ZNF529: variants seen among roughly 807,000 people sequenced by gnomAD.
The protein encoded by ZNF529 is zinc finger protein 529.
In ZNF529, 11 loss-of-function variants were observed where a neutral mutation model predicts 10.1. That is an observed-to-expected ratio of 1.09 (90% CI 0.69 to 1.81). The LOEUF is 1.81. Ranked by LOEUF, ZNF529 falls within the 40% of genes most tolerant of loss-of-function variation. The pLI is 0.00. For missense variants in ZNF529, 624 were observed against 666.8 expected (o/e 0.94, Z 0.71); for synonymous variants, 204 against 215.7 (o/e 0.95, Z 0.47).
chr19:36,583,271 G>T (rs1340202781), intron 2 of ZNF529, among the ~76,000 whole-genome samples: 2 of 151,986 alleles, frequency 1.3e-5, no homozygotes, highest in African/African-American at 4.8e-5. Context: ...TGTGCAGGCT[G>T]GTCTTGAACT....
intron 1 of ZNF529, among the ~76,000 whole-genome samples, chr19:36,593,676 T>C (rs1272171290): frequency 2.0e-5 from 3 of 152,180 alleles, no homozygotes; most frequent in Admixed American, 2.0e-4. Context: ...TCACTGGAAC[T>C]GGGGACAACT....
In ZNF529 at chr19:36,554,680, T is replaced by C. The variant is rs755674469; in HGVS notation, c.225A>G (p.Leu75=). The C allele has an allele frequency of 8.3e-6, 13 of 1,560,418 alleles. No homozygotes were observed. In the East Asian group the frequency reaches 3.1e-4, roughly 37 times the overall value. ...GGCAGATAAATTTACCCAGTGAGAGTAAGTTGCTGTAGTTCTCCATCATCA... is the reference window on the plus strand; with the variant it reads ...GGCAGATAAATTTACCCAGTGAGAGCAAGTTGCTGTAGTTCTCCATCATCA... ...WDVMMENYSN[L]LSLDLESRNE... is the part of the protein sequence containing the mutation. Residue 75 remains leucine, a synonymous_variant, in exon 4 of 5, where the codon TTA becomes TTG. Coordinates refer to ENST00000591340, the MANE Select transcript of ZNF529 (RefSeq NM_020951.5).
chr19:36,590,736 C>T (rs1323983308), intron 1 of ZNF529, among the ~76,000 whole-genome samples: 1 of 151,958 alleles, frequency 6.6e-6, no homozygotes, highest in South Asian at 2.1e-4. Flanking sequence ...TTGGAACCAG[C>T]CTGGCCAACA....
At chr19:36,577,728 T>G (rs2036360573), upstream of ZNF529, 1 of 152,656 alleles carries the variant, frequency 6.6e-6, no homozygotes, top group South Asian at 2.1e-4. Context: ...GTGATCCTCC[T>G]GCCTTGGCCT....
At chr19:36,570,360 C>CAAA (rs58429405) in intron 2 of ZNF529, among the ~76,000 whole-genome samples, 10 of 70,532 alleles carry the variant, frequency 1.4e-4, no homozygotes, top group Middle Eastern at 7.0e-3. Flanking sequence ...GACCCTATCT[C>CAAA]AAAAAAAAAA....
rs1410856843 is a variant in ZNF529 at position 36,545,336 on chromosome 19, T to C, written c.*1530A>G. ...TGAGGTCGGGAGTTTGAGACCAGAC[T>C]GACCAACACGGAGATATCCCGTCTC... On this transcript the variant is annotated 3_prime_UTR_variant, in exon 5 of 5. Coordinates refer to ENST00000591340, the MANE Select transcript of ZNF529 (RefSeq NM_020951.5). 6.6e-6 allele frequency: 1 copy of C among 152,066 alleles called. No individual in the cohort carries two copies. Among genetic ancestry groups the C allele is most frequent in the Non-Finnish European group, 1.5e-5 (1 of 68,116 alleles). The allele number at this position is 152,066 out of a possible 1,614,324, so 9.4% of individuals were successfully genotyped here. A position where few individuals can be genotyped will look rare whatever the true frequency, so the allele number is the denominator to read the frequency against.
intron 2 of ZNF529, chr19:36,580,746 A>T (rs1315953731): frequency 6.6e-6 from 1 of 152,248 alleles, no homozygotes; most frequent in East Asian, 1.9e-4. Context: ...TCAGTAGTAT[A>T]TGTAATCAGC....
intron 2 of ZNF529, 82 bp downstream of exon 2, chr19:36,572,251 G>A: frequency 6.9e-7 from 1 of 1,451,514 alleles, no homozygotes; most frequent in Non-Finnish European, 9.4e-7. Context: ...TGGAGGACAA[G>A]GGGACCCATC....
chr19:36,600,168 C>T (rs567036284), intron 1 of ZNF529, among the ~76,000 whole-genome samples: 1 of 152,166 alleles, frequency 6.6e-6, no homozygotes, highest in South Asian at 2.1e-4. Context: ...CGTGCCTGAC[C>T]AAGTCTTGTA....
chr19:36,550,536 A>C (rs1167553672), intron 4 of ZNF529, among the ~76,000 whole-genome samples: 1 of 152,102 alleles, frequency 6.6e-6, no homozygotes, highest in Admixed American at 6.5e-5. Context: ...ACAGAGTGAG[A>C]CTACGTCTTA....
rs867365557 is a variant in ZNF529 at position 36,604,044 on chromosome 19, G to A, written c.-128+1082C>T. On this transcript the variant is annotated intron_variant, in intron 1 of 4. Coordinates refer to the ZNF529 transcript ENST00000585960. Reference sequence around the variant, plus strand: ...AAAATACAAAAATGAGCCGGGCATGGTGGTGCATGCCTGTAATCCCAGCTA... The same window carrying A: ...AAAATACAAAAATGAGCCGGGCATGATGGTGCATGCCTGTAATCCCAGCTA... Among the ~76,000 whole-genome samples the A allele has an allele frequency of 3.3e-5, 5 of 152,270 alleles. No individual in the cohort carries two copies. The South Asian group carries it at 8.3e-4, about 25-fold the overall frequency.
In ZNF529 at chr19:36,546,459, C is replaced by G. The variant is rs1308029528; in HGVS notation, c.*407G>C. 6.2e-6 allele frequency: 1 copy of G among 160,632 alleles called. No individual in the cohort carries two copies. The highest frequency in any genetic ancestry group is 2.4e-5 in the African/African-American group (1 of 41,510). 10.0% of individuals were successfully genotyped at this position (160,632 alleles called of 1,614,324 possible). ...GACTGTAAAAATACATTGTATCTGA[C>G]TAGGAGTGCTAACTCTGTGGAGGAA... is the stretch of plus-strand genomic sequence containing the variant. On this transcript the variant is annotated 3_prime_UTR_variant, in exon 5 of 5. Transcript: ENST00000591340.
intron 2 of ZNF529, chr19:36,587,391 A>G (rs1378155603): frequency 6.6e-6 from 1 of 152,060 alleles, no homozygotes; most frequent in Non-Finnish European, 1.5e-5. Flanking sequence ...GAGAAATAAA[A>G]ACTCTTTTAC....
upstream of ZNF529, chr19:36,573,370 G>A (rs1330656385): frequency 1.8e-5 from 8 of 454,960 alleles, no homozygotes; most frequent in Admixed American, 1.7e-4. Flanking sequence ...AACAACGAAA[G>A]AGCCCTGAAG....
chr19:36,552,433 C>T (rs920922795), intron 4 of ZNF529, among the ~76,000 whole-genome samples: 1 of 151,974 alleles, frequency 6.6e-6, no homozygotes. Flanking sequence ...TCAAAAAAAT[C>T]AATAAATAAA....
chr19:36,572,800 T>C (rs1206033256), intron 1 of ZNF529, among the ~76,000 whole-genome samples: 2 of 151,744 alleles, frequency 1.3e-5, no homozygotes, highest in South Asian at 2.1e-4. Context: ...TCTATATGCG[T>C]GTGTGTGTGT....
At chr19:36,549,664 T>C (rs2035186992) in intron 4 of ZNF529, among the ~76,000 whole-genome samples, 1 of 152,208 alleles carries the variant, frequency 6.6e-6, no homozygotes, top group Non-Finnish European at 1.5e-5. Context: ...TATTCCCTCT[T>C]ATGCAGAGCC....
intron 1 of ZNF529, among the ~76,000 whole-genome samples, chr19:36,596,186 G>C (rs1013781881): frequency 2.8e-5 from 4 of 143,624 alleles, no homozygotes; most frequent in Admixed American, 7.2e-5. Flanking sequence ...AGGTTCTCCC[G>C]CCTCAGCCTC....
intron 2 of ZNF529, among the ~76,000 whole-genome samples, chr19:36,587,108 T>C (rs567124481): frequency 1.3e-5 from 2 of 151,424 alleles, no homozygotes; most frequent in Admixed American, 6.6e-5. Flanking sequence ...CTACTAAAAA[T>C]ACAAAAATTA....
Sources: allele counts gnomAD v4.1 joint callset (sites outside exome capture counted in the v4.1 genomes callset), GRCh38; gene constraint gnomAD v4.1.1; transcripts MANE v1.5; gene names NCBI Gene and HGNC (gene_info 2026-07-23, HGNC 2026-07-21).